The following ADAMTSL3 variants were observed in gnomAD, a reference collection of about 807,000 sequenced individuals.
ADAMTSL3 encodes ADAMTS-like protein 3.
A neutral mutation model predicts 201.7 loss-of-function variants in ADAMTSL3; 128 were observed. The observed-to-expected ratio is 0.63, with a 90% confidence interval of 0.55 to 0.73. ADAMTSL3 has a LOEUF of 0.73. ADAMTSL3 is among the 30% of genes least tolerant of loss of function. The probability of loss-of-function intolerance (pLI) is 0.00; values close to 1 mark genes in which losing one functional copy is unlikely to be tolerated. For synonymous variants in ADAMTSL3, 738 were observed against 748.4 expected (o/e 0.99, Z 0.23); for missense variants, 1,990 against 2,119.6 (o/e 0.94, Z 1.20).
intron 3 of ADAMTSL3, chr15:83,740,146 A>T (rs2062431482): frequency 3.7e-6 from 1 of 270,122 alleles, no homozygotes; most frequent in Admixed American, 3.6e-5. Flanking sequence ...GTCTTGGACT[A>T]AATTTGCAAG....
rs554481966 is a variant in ADAMTSL3 at position 83,968,199 on chromosome 15, G to A, written c.2491-2285G>A. Among the ~76,000 whole-genome samples, 497 of 152,190 alleles carry A rather than the reference G, an allele frequency of 3.3e-3. 2 individuals carry two copies. Among genetic ancestry groups the A allele is most frequent in the African/African-American group, 0.011 (469 of 41,560 alleles). ...TTGACAAATGGGATCTAATTAAACT[G>A]AAGAGCTTCTGCACAGCAAAAGAAA... On this transcript the variant is annotated intron_variant, in intron 19 of 29. Coordinates refer to ENST00000286744, the MANE Select transcript of ADAMTSL3 (RefSeq NM_207517.3).
intron 7 of ADAMTSL3, among the ~76,000 whole-genome samples, chr15:83,857,319 A>T (rs1567193305): frequency 6.6e-6 from 1 of 151,838 alleles, no homozygotes; most frequent in Non-Finnish European, 1.5e-5. Flanking sequence ...TTTGATTTTG[A>T]TTTGGTCAAA....
chr15:83,800,341 C>T (rs546680356), intron 4 of ADAMTSL3, among the ~76,000 whole-genome samples: 1 of 152,046 alleles, frequency 6.6e-6, no homozygotes, highest in South Asian at 2.1e-4. Context: ...GAGAGTTGTA[C>T]ATACTTTTTA....
intron 10 of ADAMTSL3, among the ~76,000 whole-genome samples, chr15:83,885,618 C>T (rs930190438): frequency 2.6e-5 from 4 of 151,988 alleles, no homozygotes; most frequent in Non-Finnish European, 5.9e-5. Context: ...TTGGTTCTAA[C>T]GTTAGATTTA....
intron 23 of ADAMTSL3, among the ~76,000 whole-genome samples, chr15:83,999,686 A>G (rs1393850867): frequency 3.3e-5 from 5 of 152,302 alleles, no homozygotes; most frequent in Non-Finnish European, 7.4e-5. Context: ...TCCAAGAGGT[A>G]TGTGGAGGCA....
chr15:83,695,177 G>GATTGTGT (rs2061665132), intron 2 of ADAMTSL3, among the ~76,000 whole-genome samples: 4 of 8,578 alleles, frequency 4.7e-4, no homozygotes, highest in South Asian at 4.4e-3. Context: ...TGTAGCATGT[G>GATTGTGT]ATGTGCATGA....
At chr15:84,023,640 T>G (rs1305482889) in intron 26 of ADAMTSL3, among the ~76,000 whole-genome samples, 1 of 152,230 alleles carries the variant, frequency 6.6e-6, no homozygotes, top group Non-Finnish European at 1.5e-5. Context: ...TTATGGCATT[T>G]CTTGATTTTC....
chr15:83,733,445 A>G (rs10162825), intron 3 of ADAMTSL3, among the ~76,000 whole-genome samples: 43,693 of 151,986 alleles, frequency 0.29, 6,579 homozygotes, highest in South Asian at 0.55. Flanking sequence ...ACTGTGAGTC[A>G]CAGCTTCTCA....
At chr15:83,921,862 T>G (rs914041164) in intron 16 of ADAMTSL3, among the ~76,000 whole-genome samples, 1 of 152,012 alleles carries the variant, frequency 6.6e-6, no homozygotes, top group African/African-American at 2.4e-5. Flanking sequence ...TTTTGTATTT[T>G]TTTTTTAGAG....
At chr15:83,667,196 G>T (rs2061258944) in intron 2 of ADAMTSL3, among the ~76,000 whole-genome samples, 1 of 151,972 alleles carries the variant, frequency 6.6e-6, no homozygotes, top group South Asian at 2.1e-4. Context: ...CTTTATTTTA[G>T]AATATATGTT....
At chr15:83,820,198 T>C in intron 6 of ADAMTSL3, 151 bp downstream of exon 6, 1 of 640,588 alleles carries the variant, frequency 1.6e-6, no homozygotes, top group South Asian at 1.9e-5. Context: ...ATCCCAGTTT[T>C]GTATTTTTAT....
chr15:83,817,491 G>A (rs1416566861), intron 5 of ADAMTSL3, among the ~76,000 whole-genome samples: 1 of 152,108 alleles, frequency 6.6e-6, no homozygotes, highest in Non-Finnish European at 1.5e-5. Flanking sequence ...AAAGAAACCT[G>A]AACGGGAAAT....
intron 6 of ADAMTSL3, among the ~76,000 whole-genome samples, chr15:83,837,037 C>G (rs748823630): frequency 5.9e-5 from 9 of 151,888 alleles, no homozygotes; most frequent in African/African-American, 2.2e-4. Flanking sequence ...GACCTTTTTT[C>G]TCATATAAGG....
chr15:83,875,427 G>A (rs556645930), intron 9 of ADAMTSL3, among the ~76,000 whole-genome samples: 1 of 152,202 alleles, frequency 6.6e-6, no homozygotes, highest in African/African-American at 2.4e-5. Flanking sequence ...CTTTGCAGTT[G>A]TGTATCTGAG....
intron 20 of ADAMTSL3, among the ~76,000 whole-genome samples, chr15:83,974,336 A>G (rs1026123392): frequency 4.4e-4 from 67 of 152,218 alleles, no homozygotes; most frequent in Admixed American, 6.5e-5. Flanking sequence ...TAAAATGAGA[A>G]TAGTCTTTAT....
chr15:83,898,000 C>G lies in ADAMTSL3; in HGVS notation c.1610C>G (p.Pro537Arg). The change falls in exon 14 of 30, where the codon CCA (proline) becomes CGA (arginine). Residue 537 changes from proline (P) to arginine (R), a missense_variant. Pro to Arg is a moderately radical substitution (Grantham distance 103). Transcript: ENST00000286744. ...GTCATTCCCATCCCGTGTTATAAAC[C>G]AAAAGGTAAGTCTGTGGTGCACTGT... The part of the protein sequence containing the change: ...ECVIPIPCYK[P>R]KEKSPVEAKL... The G allele has an allele frequency of 6.2e-7, 1 of 1,612,682 alleles. No individual in the cohort carries two copies. The highest frequency in any genetic ancestry group is 8.5e-7 in the Non-Finnish European group (1 of 1,179,194).
At chr15:84,030,461 G>C (rs568277858) in intron 27 of ADAMTSL3, among the ~76,000 whole-genome samples, 1 of 152,232 alleles carries the variant, frequency 6.6e-6, no homozygotes, top group Non-Finnish European at 1.5e-5. Flanking sequence ...CCTTGTATGG[G>C]GCCTATAGTC....
chr15:83,862,341 A>G (rs2064881681), intron 8 of ADAMTSL3: 1 of 152,248 alleles, frequency 6.6e-6, no homozygotes, highest in Non-Finnish European at 1.5e-5. Context: ...GTTGAAATGA[A>G]GGAAAAATTG....
chr15:83,701,329 C>G (rs1050718082), intron 2 of ADAMTSL3, among the ~76,000 whole-genome samples: 4 of 152,170 alleles, frequency 2.6e-5, no homozygotes, highest in Non-Finnish European at 4.4e-5. Context: ...TGGACAGGCT[C>G]TCCCAGGAGG....
Sources: gnomAD v4.1 joint callset for allele counts (sites outside exome capture counted in the v4.1 genomes callset) on GRCh38, gnomAD v4.1.1 for gene constraint, MANE v1.5 for transcripts, NCBI Gene and HGNC (gene_info 2026-07-23, HGNC 2026-07-21) for gene names.